Variants in SORCS2 observed in about 807,000 individuals in gnomAD.
SORCS2 encodes the protein VPS10 domain-containing receptor SorCS2.
In SORCS2, 100 loss-of-function variants were observed where a neutral mutation model predicts 141.6. The observed-to-expected ratio is 0.71, with a 90% CI of 0.60 to 0.83. SORCS2 has a LOEUF of 0.83. Ranked by LOEUF, SORCS2 falls within the 40% of genes least tolerant of loss-of-function variation. The pLI is 0.00. For missense variants in SORCS2, 1,646 were observed against 1,560.2 expected (o/e 1.05, Z -0.93); for synonymous variants, 789 against 676.9 (o/e 1.17, Z -2.57).
intron 1 of SORCS2, among the ~76,000 whole-genome samples, chr4:7,204,762 G>T (rs2108868951): frequency 6.6e-6 from 1 of 152,278 alleles, no homozygotes; most frequent in Non-Finnish European, 1.5e-5. Flanking sequence ...TGCCACTTGT[G>T]ACCCAAGGAG....
intron 2 of SORCS2, 23 bp from the exon 3 acceptor site, chr4:7,531,507 C>T (rs10007474): frequency 0.081 from 130,460 of 1,607,698 alleles, 5,790 homozygotes; most frequent in African/African-American, 0.15. Context: ...ACATGGCTGA[C>T]GGCTGTCCCC....
At chr4:7,627,768 C>A (rs183430821) in intron 3 of SORCS2, among the ~76,000 whole-genome samples, 1 of 152,208 alleles carries the variant, frequency 6.6e-6, no homozygotes, top group Non-Finnish European at 1.5e-5. Context: ...CAGATCAACT[C>A]GTTTTATTTG....
At chr4:7,397,075 G>A (rs1343784133) in intron 2 of SORCS2, among the ~76,000 whole-genome samples, 1 of 152,186 alleles carries the variant, frequency 6.6e-6, no homozygotes, top group Non-Finnish European at 1.5e-5. Flanking sequence ...TTCTCTGGGT[G>A]TGAAACCATT....
At chr4:7,696,407 A>C (rs1287324473) in intron 11 of SORCS2, among the ~76,000 whole-genome samples, 1 of 152,168 alleles carries the variant, frequency 6.6e-6, no homozygotes, top group Non-Finnish European at 1.5e-5. Context: ...CAGGTGCAGC[A>C]CCAGAGGCTG....
chr4:7,422,944 A>G (rs1577535732), intron 2 of SORCS2, among the ~76,000 whole-genome samples: 1 of 152,138 alleles, frequency 6.6e-6, no homozygotes, highest in African/African-American at 2.4e-5. Context: ...CTCCATGGCC[A>G]GATCTCTAAA....
intron 2 of SORCS2, chr4:7,434,072 CCA>C: frequency 6.2e-7 from 1 of 1,611,368 alleles, no homozygotes; most frequent in Non-Finnish European, 8.5e-7. Flanking sequence ...GGGACCCCGT[CCA>C]TGGCCACTAC....
intron 8 of SORCS2, among the ~76,000 whole-genome samples, chr4:7,671,621 C>T (rs568333008): frequency 1.3e-5 from 2 of 152,212 alleles, no homozygotes; most frequent in African/African-American, 4.8e-5. Flanking sequence ...AAGAAGGAAT[C>T]TGAGAACTTA....
In SORCS2 at chr4:7,629,042, G is replaced by A. The variant is rs112508907; in HGVS notation, c.649-9286G>A. The stretch of plus-strand genomic sequence containing the variant: ...CGGAGCTACCAGCTGTGGGTTAGGA[G>A]GAGCTGGTCATCTGGAGTTCCCTTC... On this transcript the variant is annotated intron_variant, in intron 3 of 26. Transcript: ENST00000507866. Among the ~76,000 whole-genome samples, 89 of 152,254 alleles carry A rather than the reference G, an allele frequency of 5.8e-4. 1 individual carries two copies. Among genetic ancestry groups the A allele is most frequent in the African/African-American group, 2.1e-3 (87 of 41,548 alleles).
At chr4:7,681,105 G>A (rs1476357629) in intron 9 of SORCS2, among the ~76,000 whole-genome samples, 1 of 152,180 alleles carries the variant, frequency 6.6e-6, no homozygotes, top group African/African-American at 2.4e-5. Flanking sequence ...AACCTTGATG[G>A]GGTGAATGTA....
intron 3 of SORCS2, among the ~76,000 whole-genome samples, chr4:7,630,616 G>T (rs2108846930): frequency 6.6e-6 from 1 of 152,314 alleles, no homozygotes; most frequent in East Asian, 1.9e-4. Context: ...AGTGTGTGCT[G>T]AACATCCAGC....
At chr4:7,409,475 G>C (rs536894761) in intron 2 of SORCS2, among the ~76,000 whole-genome samples, 1 of 152,174 alleles carries the variant, frequency 6.6e-6, no homozygotes, top group Non-Finnish European at 1.5e-5. Context: ...GAGTTTTCAC[G>C]GCTGGGCTTG....
intron 14 of SORCS2, among the ~76,000 whole-genome samples, chr4:7,707,680 T>C (rs1725555505): frequency 6.6e-6 from 1 of 152,222 alleles, no homozygotes; most frequent in African/African-American, 2.4e-5. Context: ...CTGGTTCTGC[T>C]GGCTTCACTG....
chr4:7,348,912 C>G (rs887366963), intron 1 of SORCS2, among the ~76,000 whole-genome samples: 26 of 152,198 alleles, frequency 1.7e-4, no homozygotes, highest in Admixed American at 1.4e-3. Flanking sequence ...AGCGACCCAT[C>G]ATGTGAGCGG....
intron 18 of SORCS2, among the ~76,000 whole-genome samples, 164 bp downstream of exon 18, chr4:7,718,347 A>G (rs1292835114): frequency 6.6e-6 from 1 of 152,186 alleles, no homozygotes; most frequent in East Asian, 1.9e-4. Flanking sequence ...GGGGCTGGAA[A>G]TCCGCTTCCC....
At chr4:7,220,575 T>C (rs1442602487) in intron 1 of SORCS2, among the ~76,000 whole-genome samples, 1 of 152,084 alleles carries the variant, frequency 6.6e-6, no homozygotes, top group Non-Finnish European at 1.5e-5. Context: ...TTGGTTTAGA[T>C]GGGTGAGGTT....
intron 1 of SORCS2, among the ~76,000 whole-genome samples, chr4:7,350,852 G>A (rs1720896719): frequency 6.6e-6 from 1 of 152,192 alleles, no homozygotes; most frequent in African/African-American, 2.4e-5. Context: ...ACACCAGGGC[G>A]GGTCCCCTTC....
chr4:7,480,729 G>A lies in SORCS2; in HGVS notation c.549-50801G>A, dbSNP rs528377498. 7.2e-5 allele frequency among the ~76,000 whole-genome samples: 11 copies of A among 152,318 alleles called. No homozygotes were observed. The South Asian group carries it at 1.9e-3, about 26-fold the overall frequency. ...GTCCACCTGGAGTTGTGGGGAGGGC[G>A]CTGACCGTGCAGACGCATCCCCTCC... On this transcript the variant is annotated intron_variant, in intron 2 of 26. Coordinates refer to ENST00000507866, the MANE Select transcript of SORCS2 (RefSeq NM_020777.3).
At chr4:7,612,611 C>T (rs79890106) in intron 3 of SORCS2, among the ~76,000 whole-genome samples, 2,559 of 152,302 alleles carry the variant, frequency 0.017, 93 homozygotes, top group African/African-American at 0.058. Context: ...CACGCAGTGA[C>T]TCGGCTGGGT....
intron 1 of SORCS2, among the ~76,000 whole-genome samples, chr4:7,372,704 C>T (rs766354301): frequency 2.0e-5 from 3 of 152,220 alleles, no homozygotes; most frequent in Non-Finnish European, 2.9e-5. Context: ...ACATTTCCCT[C>T]ACCCCCCAGA....
Sources: gnomAD v4.1 joint callset for allele counts (sites outside exome capture counted in the v4.1 genomes callset) on GRCh38, gnomAD v4.1.1 for gene constraint, MANE v1.5 for transcripts, NCBI Gene and HGNC (gene_info 2026-07-23, HGNC 2026-07-21) for gene names.